Variants in KCNN2 observed in about 807,000 individuals in gnomAD.
KCNN2 encodes potassium calcium-activated channel subfamily N member 2.
Under a neutral mutation model 55.5 loss-of-function variants are expected in KCNN2, and 24 were observed. The ratio of observed to expected loss-of-function variants is 0.43; its 90% CI spans 0.31 to 0.61. The LOEUF is 0.61. Among genes scored for constraint, KCNN2 ranks in the 20% least tolerant of loss-of-function variants. KCNN2 has a pLI of 0.08. For synonymous variants in KCNN2, 431 were observed against 336.1 expected (o/e 1.28, Z -3.09); for missense variants, 754 against 853.6 (o/e 0.88, Z 1.45).
In KCNN2 at chr5:114,449,493, G is replaced by A. The variant is rs556021927; in HGVS notation, c.1638-13556G>A. Among the ~76,000 whole-genome samples, 35 of 152,290 alleles carry A rather than the reference G, an allele frequency of 2.3e-4. No individual in the cohort carries two copies. The South Asian group carries it at 6.8e-3, about 30-fold the overall frequency. On this transcript the variant is annotated intron_variant, in intron 3 of 7. Coordinates refer to ENST00000673685, the MANE Select transcript of KCNN2 (RefSeq NM_021614.4). ...GTACACTGATGAGGACTTGGGTAGC[G>A]TTTTGTTATCTCCGTGCTCACAGCC...
intron 1 of KCNN2, among the ~76,000 whole-genome samples, chr5:114,113,978 C>A (rs1027520122): frequency 1.3e-5 from 2 of 152,070 alleles, no homozygotes; most frequent in African/African-American, 4.8e-5. Context: ...TTTGGGGTGA[C>A]ATTTGGATCA....
chr5:114,442,278 G>GTA (rs137996066), intron 3 of KCNN2, among the ~76,000 whole-genome samples: 9,411 of 150,418 alleles, frequency 0.063, 299 homozygotes, highest in South Asian at 0.088. Context: ...TATATTTACT[G>GTA]TATATATAGA....
chr5:114,380,296 G>T (rs1446154153), intron 2 of KCNN2, among the ~76,000 whole-genome samples: 2 of 152,136 alleles, frequency 1.3e-5, no homozygotes, highest in African/African-American at 4.8e-5. Context: ...CTTTCTGGTG[G>T]TCCATCTCTG....
chr5:114,264,499 A>T lies in KCNN2; in HGVS notation c.-185+42934A>T, dbSNP rs143145756. Among the ~76,000 whole-genome samples the T allele has an allele frequency of 3.0e-3, 455 of 152,296 alleles. 8 individuals are homozygous for T. In the East Asian group the frequency reaches 0.035, roughly 12 times the overall value. ...AAAGTATTCAATAACAGCAAGACAGAAAACAGGGAGGTTGCTTCTTCCCTA... is the reference window on the plus strand; with the variant it reads ...AAAGTATTCAATAACAGCAAGACAGTAAACAGGGAGGTTGCTTCTTCCCTA... On this transcript the variant is annotated intron_variant, in intron 2 of 10. Transcript: ENST00000512097.
intron 5 of KCNN2, among the ~76,000 whole-genome samples, chr5:114,479,510 G>C (rs1485210126): frequency 6.6e-6 from 1 of 152,108 alleles, no homozygotes. Flanking sequence ...ACAGAAAATT[G>C]TAACAGAGAT....
rs996356680 is a variant in KCNN2, at chr5:114,182,467, A to G, written c.-270-39013A>G. On this transcript the variant is annotated intron_variant, in intron 1 of 10. Transcript: ENST00000512097. ...ATTTCATTGACTTCATAGAGAGGTAATTACATCTTAACAATATTGAGCCTT... is the reference window on the plus strand; with the variant it reads ...ATTTCATTGACTTCATAGAGAGGTAGTTACATCTTAACAATATTGAGCCTT... Among the ~76,000 whole-genome samples, 3 of 152,250 alleles carry G rather than the reference A, an allele frequency of 2.0e-5. No homozygotes were observed. In the East Asian group the frequency reaches 5.8e-4, roughly 29 times the overall value.
chr5:114,295,980 G>C (rs570814689), intron 2 of KCNN2, among the ~76,000 whole-genome samples: 2 of 152,214 alleles, frequency 1.3e-5, no homozygotes, highest in Admixed American at 6.5e-5. Flanking sequence ...ATTTCCGCTG[G>C]TAATAGTCAT....
intron 2 of KCNN2, among the ~76,000 whole-genome samples, chr5:114,397,423 G>A (rs929808122): frequency 6.6e-6 from 1 of 152,214 alleles, no homozygotes; most frequent in African/African-American, 2.4e-5. Context: ...TTTTGCTCTT[G>A]TTGCCCAGGC....
intron 3 of KCNN2, among the ~76,000 whole-genome samples, chr5:114,436,554 T>A (rs1488068270): frequency 6.6e-6 from 1 of 152,242 alleles, no homozygotes; most frequent in Admixed American, 6.5e-5. Context: ...CTATTTATTA[T>A]GAAATTCCAC....
chr5:114,201,779 C>A (rs1753677218), intron 1 of KCNN2, among the ~76,000 whole-genome samples: 5 of 149,356 alleles, frequency 3.3e-5, no homozygotes. Flanking sequence ...TCATGGCAGC[C>A]TGTTGCATGG....
intron 3 of KCNN2, among the ~76,000 whole-genome samples, chr5:114,444,258 A>G (rs995905286): frequency 6.6e-6 from 1 of 152,140 alleles, no homozygotes; most frequent in Non-Finnish European, 1.5e-5. Context: ...AAGTAGTGGT[A>G]ATTCCAGGTG....
intron 1 of KCNN2, among the ~76,000 whole-genome samples, chr5:114,200,288 T>G (rs1753647196): frequency 6.6e-6 from 1 of 152,138 alleles, no homozygotes. Flanking sequence ...TGGTCTAGTA[T>G]ATTGTTGAAG....
chr5:114,143,153 G>A (rs551737769), intron 1 of KCNN2, among the ~76,000 whole-genome samples: 5 of 152,154 alleles, frequency 3.3e-5, no homozygotes, highest in Non-Finnish European at 7.4e-5. Flanking sequence ...GAGGGTGGGG[G>A]TAGATTAGTA....
At chr5:114,067,329 C>T (rs1361205776) in intron 1 of KCNN2, among the ~76,000 whole-genome samples, 1 of 152,170 alleles carries the variant, frequency 6.6e-6, no homozygotes, top group Non-Finnish European at 1.5e-5. Flanking sequence ...TGATAAAATG[C>T]AGATTTCTGG....
chr5:114,188,440 C>A (rs1561514956), intron 1 of KCNN2, among the ~76,000 whole-genome samples: 1 of 151,812 alleles, frequency 6.6e-6, no homozygotes, highest in Non-Finnish European at 1.5e-5. Context: ...TGATAATAAG[C>A]CAGTATGAAA....
rs1334067296 is a variant in KCNN2, at chr5:114,362,356, G to A, written c.217G>A (p.Ala73Thr). The change falls in exon 1 of 8, where the codon GCC (alanine) becomes ACC (threonine). Residue 73 changes from alanine (A) to threonine (T), a missense_variant. Physicochemically the swap from Ala to Thr is moderately conservative, Grantham distance 58. Transcript: ENST00000673685. The stretch of plus-strand genomic sequence containing the variant: ...CCCATGCCTCCGGTGCAACAGCTGC[G>A]CCTCCTCCGGTGCCCCGGCGGCGGG... ...SSPCLRCNSC[A>T]SSGAPAAGAG... 2.6e-5 allele frequency: 5 copies of A among 192,342 alleles called. No homozygotes were observed. Among genetic ancestry groups the A allele is most frequent in the South Asian group, 1.2e-4 (1 of 8,066 alleles). The allele number at this position is 192,342 out of a possible 1,614,324, so 11.9% of individuals were successfully genotyped here. A position where few individuals can be genotyped will look rare whatever the true frequency, so the allele number is the denominator to read the frequency against.
intron 1 of KCNN2, among the ~76,000 whole-genome samples, chr5:114,195,547 T>A (rs1232862139): frequency 6.6e-6 from 1 of 152,050 alleles, no homozygotes; most frequent in Non-Finnish European, 1.5e-5. Context: ...TGAACTTTGC[T>A]GAACTTTTTA....
intron 2 of KCNN2, among the ~76,000 whole-genome samples, chr5:114,307,665 G>A (rs1756312181): frequency 6.6e-6 from 1 of 152,120 alleles, no homozygotes; most frequent in South Asian, 2.1e-4. Context: ...CAATTATCTA[G>A]ACCTTTCTGG....
intron 2 of KCNN2, among the ~76,000 whole-genome samples, chr5:114,296,085 A>G (rs1379561): frequency 1.1e-4 from 17 of 152,080 alleles, no homozygotes; most frequent in South Asian, 6.2e-4. Flanking sequence ...ACTGTACTCT[A>G]TCCTCAGATT....
Sources: gnomAD v4.1 joint callset for allele counts (sites outside exome capture counted in the v4.1 genomes callset) on GRCh38, gnomAD v4.1.1 for gene constraint, MANE v1.5 for transcripts, NCBI Gene and HGNC (gene_info 2026-07-23, HGNC 2026-07-21) for gene names.